Variants in ESRRG observed in about 807,000 individuals in gnomAD.
ESRRG encodes the protein estrogen related receptor gamma, also known as estrogen-related receptor gamma.
Under a neutral mutation model 44.0 loss-of-function variants are expected in ESRRG, and 13 were observed. The ratio of observed to expected loss-of-function variants is 0.30; its 90% CI spans 0.19 to 0.47. The LOEUF (loss-of-function observed/expected upper bound fraction) is 0.47. Ranked by LOEUF, ESRRG falls within the 20% of genes least tolerant of loss-of-function variation. The pLI is 1.00. For synonymous variants in ESRRG, 215 were observed against 214.6 expected (o/e 1.00, Z -0.02); for missense variants, 395 against 580.6 (o/e 0.68, Z 3.29).
At chr1:216,544,668 G>A (rs1054569448) in intron 5 of ESRRG, among the ~76,000 whole-genome samples, 1 of 152,014 alleles carries the variant, frequency 6.6e-6, no homozygotes, top group Admixed American at 6.6e-5. Context: ...TACCTAGAAC[G>A]AGTTTCAAGA....
chr1:217,023,365 C>T (rs1165168926), intron 1 of ESRRG, among the ~76,000 whole-genome samples: 1 of 152,082 alleles, frequency 6.6e-6, no homozygotes, highest in Non-Finnish European at 1.5e-5. Flanking sequence ...GGAAACTATT[C>T]CTGTTATCTG....
chr1:216,628,277 C>T (rs2063527305), intron 3 of ESRRG, among the ~76,000 whole-genome samples: 1 of 152,162 alleles, frequency 6.6e-6, no homozygotes, highest in Non-Finnish European at 1.5e-5. Flanking sequence ...ACTTTAGAGA[C>T]AGGGTCCCAC....
chr1:216,969,678 C>T (rs2150274056), intron 1 of ESRRG, among the ~76,000 whole-genome samples: 1 of 152,242 alleles, frequency 6.6e-6, no homozygotes, highest in African/African-American at 2.4e-5. Flanking sequence ...CTCCGCCTCC[C>T]TGGTTCAAGC....
At chr1:217,023,384 T>C (rs1187433483) in intron 1 of ESRRG, among the ~76,000 whole-genome samples, 1 of 152,076 alleles carries the variant, frequency 6.6e-6, no homozygotes, top group African/African-American at 2.4e-5. Context: ...TGCACCTACA[T>C]GGCATCCAGA....
At chr1:216,822,061 A>T (rs1462005253) in intron 2 of ESRRG, among the ~76,000 whole-genome samples, 1 of 152,158 alleles carries the variant, frequency 6.6e-6, no homozygotes, top group Non-Finnish European at 1.5e-5. Context: ...CTCTGACATG[A>T]TAAATCACAG....
intron 1 of ESRRG, among the ~76,000 whole-genome samples, chr1:216,966,348 T>C (rs995551323): frequency 1.3e-5 from 2 of 152,180 alleles, no homozygotes; most frequent in East Asian, 1.9e-4. Context: ...AGGCTGTCTA[T>C]ACGTATGAAT....
chr1:216,535,361 T>C (rs2149184816), intron 5 of ESRRG, among the ~76,000 whole-genome samples: 1 of 152,212 alleles, frequency 6.6e-6, no homozygotes, highest in South Asian at 2.1e-4. Context: ...TTCCTCAATA[T>C]GGGCAGGGAA....
chr1:216,953,560 C>T (rs1031098608), intron 1 of ESRRG, among the ~76,000 whole-genome samples: 2 of 151,990 alleles, frequency 1.3e-5, no homozygotes, highest in Admixed American at 6.6e-5. Flanking sequence ...TCCCTATCCC[C>T]GATACCTTCA....
intron 1 of ESRRG, among the ~76,000 whole-genome samples, chr1:217,135,195 G>C (rs116163026): frequency 6.6e-6 from 1 of 151,264 alleles, no homozygotes; most frequent in African/African-American, 2.4e-5. Context: ...CCCCCAGCGC[G>C]CGGGGCAGCC....
At chr1:216,689,555 T>TA (rs1324365199) in intron 1 of ESRRG, among the ~76,000 whole-genome samples, 1 of 152,118 alleles carries the variant, frequency 6.6e-6, no homozygotes, top group Non-Finnish European at 1.5e-5. Context: ...TACATTTTTT[T>TA]AAAATCCAAA....
chr1:216,734,606 T>C (rs1010549697), intron 2 of ESRRG, among the ~76,000 whole-genome samples: 12 of 152,192 alleles, frequency 7.9e-5, no homozygotes, highest in Admixed American at 3.3e-4. Context: ...TTGGCACTTA[T>C]GCTTCTTGTA....
At chr1:217,109,484 G>T (rs935879699) in intron 1 of ESRRG, among the ~76,000 whole-genome samples, 1 of 151,976 alleles carries the variant, frequency 6.6e-6, no homozygotes, top group Non-Finnish European at 1.5e-5. Flanking sequence ...TTATGTTCTG[G>T]GCTGAACTAA....
intron 2 of ESRRG, among the ~76,000 whole-genome samples, chr1:216,924,330 A>T (rs911540717): frequency 1.3e-5 from 2 of 152,182 alleles, no homozygotes; most frequent in Non-Finnish European, 2.9e-5. Flanking sequence ...ACTGGTTGAA[A>T]GGGGAGGCCA....
chr1:216,653,534 C>A (rs975543106), intron 2 of ESRRG, among the ~76,000 whole-genome samples: 11 of 152,082 alleles, frequency 7.2e-5, no homozygotes, highest in African/African-American at 2.7e-4. Flanking sequence ...TTGATTTATT[C>A]AGTTTTTGCT....
intron 1 of ESRRG, among the ~76,000 whole-genome samples, chr1:217,057,927 C>T (rs556318164): frequency 6.6e-6 from 1 of 152,054 alleles, no homozygotes; most frequent in Admixed American, 6.5e-5. Flanking sequence ...AAAGATTGGA[C>T]ACCACTGAAT....
At chr1:216,826,338 G>T (rs957889925) in intron 2 of ESRRG, among the ~76,000 whole-genome samples, 6 of 152,054 alleles carry the variant, frequency 3.9e-5, no homozygotes, top group African/African-American at 1.4e-4. Context: ...GTAGTATCAG[G>T]ATCAAACGTA....
chr1:217,022,223 C>T (rs1001979227), intron 1 of ESRRG, among the ~76,000 whole-genome samples: 1 of 152,140 alleles, frequency 6.6e-6, no homozygotes, highest in Non-Finnish European at 1.5e-5. Context: ...AACTGTGGAG[C>T]CAAAAGTCTT....
chr1:216,765,506 T>A (rs2093030085), intron 2 of ESRRG, among the ~76,000 whole-genome samples: 1 of 152,112 alleles, frequency 6.6e-6, no homozygotes, highest in Admixed American at 6.6e-5. Flanking sequence ...GCCAAATTTA[T>A]CTGGACAAGT....
At chr1:216,570,740 A>G (rs1364415090) in intron 3 of ESRRG, among the ~76,000 whole-genome samples, 1 of 152,220 alleles carries the variant, frequency 6.6e-6, no homozygotes, top group South Asian at 2.1e-4. Context: ...AGAAACAATG[A>G]CAGGCAAAAG....
Sources: gnomAD v4.1 joint callset for allele counts (sites outside exome capture counted in the v4.1 genomes callset) on GRCh38, gnomAD v4.1.1 for gene constraint, MANE v1.5 for transcripts, NCBI Gene and HGNC (gene_info 2026-07-23, HGNC 2026-07-21) for gene names.